PPP5C: variants seen among roughly 807,000 people sequenced by gnomAD.
PPP5C encodes the protein protein phosphatase 5 catalytic subunit.
PPP5C carries 21 observed loss-of-function variants against 66.7 expected under a neutral mutation model. The observed-to-expected ratio is 0.31, with a 90% CI of 0.22 to 0.45. The LOEUF (loss-of-function observed/expected upper bound fraction) is 0.45. Ranked by LOEUF, PPP5C falls within the 20% of genes least tolerant of loss-of-function variation. The probability of loss-of-function intolerance (pLI) is 1.00; values close to 1 mark genes in which losing one functional copy is unlikely to be tolerated. For missense variants in PPP5C, 464 were observed against 675.9 expected, an observed-to-expected ratio of 0.69 and a Z score of 3.48; for synonymous variants, 246 against 257.4, an observed-to-expected ratio of 0.96 and a Z score of 0.43.
intron 1 of PPP5C, among the ~76,000 whole-genome samples, chr19:46,347,644 G>T (rs1441533790): frequency 2.6e-5 from 4 of 151,316 alleles, no homozygotes; most frequent in Non-Finnish European, 5.9e-5. Context: ...GGCAATCGTG[G>T]GGGTGGGGAA....
rs1342435127 is a variant in PPP5C at position 46,388,337 on chromosome 19, G to T, written c.1136-71G>T. ...GTGGGGTCAGCACCTGGCCGGGCCA[G>T]GAGGTGGCCTGTGAGTGACCACCCC... On this transcript the variant is annotated intron_variant, in intron 9 of 12. Transcript: ENST00000012443. The surrounding 1 kb of genome is among the most constrained non-coding windows in gnomAD (Gnocchi z 4.9). The T allele has an allele frequency of 4.0e-6, 6 of 1,512,544 alleles. No homozygotes were observed. Among genetic ancestry groups the T allele is most frequent in the Non-Finnish European group, 4.5e-6 (5 of 1,115,374 alleles). 93.7% of individuals were successfully genotyped at this position (1,512,544 alleles called of 1,614,324 possible). A position where few individuals can be genotyped will look rare whatever the true frequency, so the allele number is the denominator to read the frequency against.
intron 2 of PPP5C, among the ~76,000 whole-genome samples, chr19:46,356,948 CA>C (rs1972297503): frequency 6.6e-6 from 1 of 152,240 alleles, no homozygotes; most frequent in East Asian, 1.9e-4. Context: ...GTAGCAGCTG[CA>C]TGGCTCCTAG....
intron 2 of PPP5C, among the ~76,000 whole-genome samples, chr19:46,368,973 C>T (rs1189176562): frequency 2.0e-5 from 3 of 152,186 alleles, no homozygotes; most frequent in Admixed American, 6.5e-5. Context: ...CACTGGTCCA[C>T]GACACTGATG....
At chr19:46,389,511 G>A (rs1028385642) in intron 11 of PPP5C, among the ~76,000 whole-genome samples, 11 of 148,436 alleles carry the variant, frequency 7.4e-5, no homozygotes, top group African/African-American at 2.8e-4. Flanking sequence ...TCTTTCTCCT[G>A]GTCTCTCCTA....
intron 4 of PPP5C, among the ~76,000 whole-genome samples, chr19:46,377,909 T>C (rs1457285599): frequency 6.6e-6 from 1 of 152,396 alleles, no homozygotes; most frequent in East Asian, 1.9e-4. Flanking sequence ...TTATTTCTAC[T>C]TTGTAGCTTT....
rs1458270962 is a variant in PPP5C at position 46,383,280 on chromosome 19, C to G, written c.634-131C>G. ...CTCCCGCTCCCCCAGGCCTGCCCTGCCCTTTTTCTTCTCTCCCTGCTTCTC... is the reference window on the plus strand; with the variant it reads ...CTCCCGCTCCCCCAGGCCTGCCCTGGCCTTTTTCTTCTCTCCCTGCTTCTC... On this transcript the variant is annotated intron_variant, in intron 4 of 12. Coordinates refer to ENST00000012443, the MANE Select transcript of PPP5C (RefSeq NM_006247.4). This position sits in a 1 kb window ranked among gnomAD's most constrained non-coding sequence, Gnocchi z 5.0. The G allele has an allele frequency of 6.5e-7, 1 of 1,549,030 alleles. No homozygotes were observed. Among genetic ancestry groups the G allele is most frequent in the African/African-American group, 1.4e-5 (1 of 73,036 alleles).
At chr19:46,354,505 G>C (rs1395068898) in intron 2 of PPP5C, among the ~76,000 whole-genome samples, 2 of 152,168 alleles carry the variant, frequency 1.3e-5, no homozygotes, top group Non-Finnish European at 2.9e-5. Context: ...AAGAAAAGAG[G>C]AAGGGCAGTC....
In PPP5C at chr19:46,347,935, G is replaced by C. The variant is rs140959281; in HGVS notation, c.121+718G>C. Among the ~76,000 whole-genome samples the C allele has an allele frequency of 2.1e-4, 29 of 134,892 alleles. No homozygotes were observed. In the East Asian group the frequency reaches 6.6e-3, roughly 31 times the overall value. The allele number at this position is 134,892 out of a possible 152,430, so 88.5% of individuals were successfully genotyped here. A position where few individuals can be genotyped will look rare whatever the true frequency, so the allele number is the denominator to read the frequency against. On this transcript the variant is annotated intron_variant, in intron 1 of 12. Transcript: ENST00000012443. Reference sequence around the variant, plus strand: ...AGCTTGTAATTTTGCAGGTGAACCAGACATGAAAAAAAAAAAAACAAAAAA... The same window carrying C: ...AGCTTGTAATTTTGCAGGTGAACCACACATGAAAAAAAAAAAAACAAAAAA...
At chr19:46,384,041 C>A in intron 6 of PPP5C, 163 bp downstream of exon 6, 1 of 639,234 alleles carries the variant, frequency 1.6e-6, no homozygotes, top group Non-Finnish European at 2.7e-6. Flanking sequence ...TGCAGGCTGG[C>A]CATGCACCCC....
Position 46,390,068 on chromosome 19 carries a change from AAGCC to A in PPP5C, c.1374_1377del (p.Lys458AsnfsTer38). ...CCCTGCAGCGACCAGATGGGGAACA[AAGCC>A]TCCTACATCCACCTCCAGGGCTCTG... On this transcript the variant is annotated frameshift_variant, in exon 12 of 13. Transcript: ENST00000012443. LOFTEE classifies it high-confidence loss of function. 6.2e-7 allele frequency: 1 copy of A among 1,614,036 alleles called. No individual in the cohort carries two copies. The highest frequency in any genetic ancestry group is 8.5e-7 in the Non-Finnish European group (1 of 1,179,988).
At chr19:46,366,748 C>A (rs1179994506) in intron 2 of PPP5C, among the ~76,000 whole-genome samples, 2 of 152,164 alleles carry the variant, frequency 1.3e-5, no homozygotes, top group African/African-American at 2.4e-5. Context: ...AATTGCCCAT[C>A]CATTGTGGAA....
intron 4 of PPP5C, among the ~76,000 whole-genome samples, chr19:46,377,844 TTGTC>T (rs1339086112): frequency 1.3e-5 from 2 of 152,236 alleles, no homozygotes; most frequent in African/African-American, 2.4e-5. Flanking sequence ...AAGTCCTCCA[TTGTC>T]TGAACAGCCC....
intron 2 of PPP5C, among the ~76,000 whole-genome samples, chr19:46,374,412 T>A (rs1972654348): frequency 6.6e-6 from 1 of 151,036 alleles, no homozygotes; most frequent in African/African-American, 2.4e-5. Flanking sequence ...GGTCTGCTCC[T>A]GGGGAGGCTA....
chr19:46,355,925 A>G (rs1972277786), intron 2 of PPP5C, among the ~76,000 whole-genome samples: 1 of 151,884 alleles, frequency 6.6e-6, no homozygotes, highest in African/African-American at 2.4e-5. Context: ...ATCTTTCCCC[A>G]GGGTAAGGAG....
At chr19:46,355,495 G>A (rs948562048) in intron 2 of PPP5C, among the ~76,000 whole-genome samples, 2 of 151,970 alleles carry the variant, frequency 1.3e-5, no homozygotes, top group African/African-American at 4.8e-5. Context: ...TTCAGGCCAG[G>A]TGAAGGCTTG....
At position 46,388,754 on chromosome 19, in the gene PPP5C, C is replaced by T; in HGVS notation, c.1355+23C>T. ...CTGGTATGTCTTTGCCTTTCCAGCC[C>T]AGGGCCTCTACCAAGCCACGGGTTT... On this transcript the variant is annotated intron_variant, in intron 11 of 12. Transcript: ENST00000012443. This position sits in a 1 kb window ranked among gnomAD's most constrained non-coding sequence, Gnocchi z 4.9. 5 of 1,605,346 alleles carry T rather than the reference C, an allele frequency of 3.1e-6. No individual in the cohort carries two copies. Among genetic ancestry groups the T allele is most frequent in the Non-Finnish European group, 3.4e-6 (4 of 1,174,146 alleles).
intron 2 of PPP5C, among the ~76,000 whole-genome samples, chr19:46,359,971 G>A (rs1376995846): frequency 6.6e-6 from 1 of 151,928 alleles, no homozygotes; most frequent in Admixed American, 6.6e-5. Flanking sequence ...TAGAGACGGG[G>A]TTTCACCACG....
At chr19:46,389,405 A>AGAGTGTTGATCCCT (rs1568579889) in intron 11 of PPP5C, among the ~76,000 whole-genome samples, 1 of 28,800 alleles carries the variant, frequency 3.5e-5, no homozygotes. Flanking sequence ...ACACACACAC[A>AGAGTGTTGATCCCT]CACACACACA....
Position 46,383,333 on chromosome 19 carries a change from T to G in PPP5C, c.634-78T>G. ...TCGCCCTCAGCCCAGCAGCGTCTCATGGGCAGTCCAGGCTTTCGGGGCCAG... is the reference window on the plus strand; with the variant it reads ...TCGCCCTCAGCCCAGCAGCGTCTCAGGGGCAGTCCAGGCTTTCGGGGCCAG... On this transcript the variant is annotated intron_variant, in intron 4 of 12. Coordinates refer to ENST00000012443, the MANE Select transcript of PPP5C (RefSeq NM_006247.4). The surrounding 1 kb of genome is among the most constrained non-coding windows in gnomAD (Gnocchi z 5.0). The G allele has an allele frequency of 6.4e-7, 1 of 1,569,054 alleles. No individual in the cohort carries two copies. Among genetic ancestry groups the G allele is most frequent in the Non-Finnish European group, 8.6e-7 (1 of 1,157,690 alleles).
Sources: gnomAD v4.1 joint callset for allele counts (sites outside exome capture counted in the v4.1 genomes callset) on GRCh38, gnomAD v4.1.1 for gene constraint, Gnocchi (gnomAD v3.1) non-coding constraint, MANE v1.5 for transcripts, NCBI Gene and HGNC (gene_info 2026-07-23, HGNC 2026-07-21) for gene names.